FAT3: variants seen among roughly 807,000 people sequenced by gnomAD.
FAT3 encodes protocadherin Fat 3.
A neutral mutation model predicts 310.2 loss-of-function variants in FAT3; 95 were observed. That is an observed-to-expected ratio of 0.31 (90% CI 0.26 to 0.36). The LOEUF is 0.36. FAT3 is among the 10% of genes least tolerant of loss of function. FAT3 has a pLI of 1.00. For missense variants in FAT3, 5,408 were observed against 5,715.6 expected, an observed-to-expected ratio of 0.95 and a Z score of 1.74; for synonymous variants, 2,314 against 2,192.9, an observed-to-expected ratio of 1.06 and a Z score of -1.54.
At chr11:92,322,108 C>A (rs552933752) in intron 1 of FAT3, among the ~76,000 whole-genome samples, 2 of 152,222 alleles carry the variant, frequency 1.3e-5, no homozygotes, top group African/African-American at 4.8e-5. Flanking sequence ...TAATGAAATA[C>A]CACACCAATA....
intron 3 of FAT3, among the ~76,000 whole-genome samples, chr11:92,693,420 G>A (rs2135894960): frequency 6.6e-6 from 1 of 152,308 alleles, no homozygotes; most frequent in Middle Eastern, 3.4e-3. Flanking sequence ...CCCCAGTGAT[G>A]AGTCAGAGTG....
rs1306815748 is a variant in FAT3, at chr11:92,366,930, C to T, written c.3292+11526C>T. 3 of 531,134 alleles carry T rather than the reference C, an allele frequency of 5.6e-6. 1 individual carries two copies. The highest frequency in any genetic ancestry group is 2.8e-5 in the South Asian group (2 of 72,510). 32.9% of individuals were successfully genotyped at this position (531,134 alleles called of 1,614,324 possible). A position where few individuals can be genotyped will look rare whatever the true frequency, so the allele number is the denominator to read the frequency against. On this transcript the variant is annotated intron_variant, in intron 2 of 27. Coordinates refer to ENST00000525166, the MANE Select transcript of FAT3 (RefSeq NM_001367949.2). Reference sequence around the variant, plus strand: ...CTCCAGATCTTTACCTGGGCCTCGCCATGCTTTGCAGCAGTTTCTGCTTTA... The same window carrying T: ...CTCCAGATCTTTACCTGGGCCTCGCTATGCTTTGCAGCAGTTTCTGCTTTA...
chr11:92,814,434 C>A (rs1436496934), intron 13 of FAT3, among the ~76,000 whole-genome samples: 1 of 152,118 alleles, frequency 6.6e-6, no homozygotes, highest in Non-Finnish European at 1.5e-5. Flanking sequence ...AAAATAAAAA[C>A]AGAAGAGGAC....
chr11:92,312,770 T>C (rs1367813164), intron 1 of FAT3, among the ~76,000 whole-genome samples: 1 of 152,182 alleles, frequency 6.6e-6, no homozygotes, highest in East Asian at 1.9e-4. Flanking sequence ...ACATGTCGGA[T>C]GCAAAACCAT....
chr11:92,405,570 A>AG (rs1950120341), intron 2 of FAT3, among the ~76,000 whole-genome samples: 1 of 152,204 alleles, frequency 6.6e-6, no homozygotes, highest in Admixed American at 6.5e-5. Context: ...CAGCCTGGGC[A>AG]ACATAACAAG....
intron 4 of FAT3, among the ~76,000 whole-genome samples, chr11:92,735,498 G>A (rs111778078): frequency 1.5e-3 from 221 of 152,120 alleles, no homozygotes; most frequent in African/African-American, 5.2e-3. Context: ...CTGTAAATGT[G>A]TTAAGCTGAT....
At chr11:92,878,775 G>A (rs993826512) in intron 22 of FAT3, among the ~76,000 whole-genome samples, 10 of 150,654 alleles carry the variant, frequency 6.6e-5, no homozygotes, top group South Asian at 2.1e-4. Context: ...TCATAGAGAT[G>A]TAACATAAGA....
At chr11:92,493,018 T>C (rs1952653702) in intron 2 of FAT3, among the ~76,000 whole-genome samples, 1 of 152,062 alleles carries the variant, frequency 6.6e-6, no homozygotes. Context: ...GAGATTCTTC[T>C]CTCCCTCAAA....
intron 2 of FAT3, among the ~76,000 whole-genome samples, chr11:92,506,981 A>G (rs1953120128): frequency 6.6e-6 from 1 of 152,178 alleles, no homozygotes. Flanking sequence ...GTCAACATCC[A>G]TGCATTTAAC....
chr11:92,658,347 C>T (rs976290263), intron 3 of FAT3, among the ~76,000 whole-genome samples: 10 of 152,142 alleles, frequency 6.6e-5, no homozygotes, highest in African/African-American at 2.2e-4. Flanking sequence ...ATTTACAAGT[C>T]GTCTTCTCAG....
chr11:92,546,077 T>G (rs1790322493), intron 3 of FAT3, among the ~76,000 whole-genome samples: 1 of 152,208 alleles, frequency 6.6e-6, no homozygotes, highest in African/African-American at 2.4e-5. Flanking sequence ...AGATAACAGA[T>G]TTTTGCTTTT....
At chr11:92,810,922 T>G (rs994443282) in intron 13 of FAT3, among the ~76,000 whole-genome samples, 9 of 152,222 alleles carry the variant, frequency 5.9e-5, no homozygotes, top group African/African-American at 2.2e-4. Flanking sequence ...GACCTTTATA[T>G]AATTCAGTGT....
chr11:92,416,255 G>A (rs1280869209), intron 2 of FAT3, among the ~76,000 whole-genome samples: 2 of 149,682 alleles, frequency 1.3e-5, no homozygotes, highest in South Asian at 2.1e-4. Flanking sequence ...GTGGTGGCAC[G>A]CACCTGTAAC....
At chr11:92,633,211 A>G (rs1028899627) in intron 3 of FAT3, among the ~76,000 whole-genome samples, 14 of 152,178 alleles carry the variant, frequency 9.2e-5, no homozygotes, top group Non-Finnish European at 1.8e-4. Flanking sequence ...CAACTGAGGA[A>G]CTTTGAATCT....
chr11:92,608,720 C>CAATAATAATAATAATAGT (rs1940421896), intron 3 of FAT3, among the ~76,000 whole-genome samples: 1 of 145,130 alleles, frequency 6.9e-6, no homozygotes, highest in Non-Finnish European at 1.5e-5. Flanking sequence ...CTGAATTCAG[C>CAATAATAATAATAATAGT]AATAATAATA....
chr11:92,768,968 A>T (rs1423143583), intron 6 of FAT3, among the ~76,000 whole-genome samples: 1 of 152,240 alleles, frequency 6.6e-6, no homozygotes, highest in East Asian at 1.9e-4. Flanking sequence ...TTAAGTGAGC[A>T]GAAATAGTGT....
intron 1 of FAT3, among the ~76,000 whole-genome samples, chr11:92,280,686 TC>T (rs1946397307): frequency 6.6e-6 from 1 of 152,150 alleles, no homozygotes; most frequent in African/African-American, 2.4e-5. Flanking sequence ...ATAATTCAGC[TC>T]CCAAGGCTGT....
At chr11:92,484,414 T>C (rs1750058897) in intron 2 of FAT3, among the ~76,000 whole-genome samples, 1 of 152,150 alleles carries the variant, frequency 6.6e-6, no homozygotes, top group South Asian at 2.1e-4. Flanking sequence ...GAGATACTGC[T>C]TAAAGAATGT....
chr11:92,408,306 C>A (rs1591244169), intron 2 of FAT3: 1 of 152,280 alleles, frequency 6.6e-6, no homozygotes, highest in East Asian at 1.9e-4. Context: ...CAAATGTAGC[C>A]ACAAAGTGGG....
Sources: allele counts gnomAD v4.1 joint callset (sites outside exome capture counted in the v4.1 genomes callset), GRCh38; gene constraint gnomAD v4.1.1; transcripts MANE v1.5; gene names NCBI Gene and HGNC (gene_info 2026-07-23, HGNC 2026-07-21).